PLEKHA8: variants seen among roughly 807,000 people sequenced by gnomAD.
PLEKHA8 encodes the protein pleckstrin homology domain containing A8, also known as pleckstrin homology domain-containing family A member 8.
In PLEKHA8, 36 loss-of-function variants were observed where a neutral mutation model predicts 68.2. The observed-to-expected ratio is 0.53, with a 90% CI of 0.40 to 0.70. The LOEUF is 0.70. PLEKHA8 is among the 30% of genes least tolerant of loss of function. PLEKHA8 has a pLI of 0.00. For missense variants in PLEKHA8, 505 were observed against 615.4 expected (o/e 0.82, Z 1.90); for synonymous variants, 211 against 216.1 (o/e 0.98, Z 0.20).
rs181844100 is a variant in PLEKHA8, at chr7:30,034,260, C to T, written c.40+5458C>T. Among the ~76,000 whole-genome samples, 56 of 151,960 alleles carry T rather than the reference C, an allele frequency of 3.7e-4. No individual in the cohort carries two copies. The East Asian group carries it at 9.5e-3, about 26-fold the overall frequency. On this transcript the variant is annotated intron_variant, in intron 1 of 13. Transcript: ENST00000449726. ...CTGACCTCAGGTGATCCGCCTGCCT[C>T]GGCCTCCCAAAGTGCTAGGATTACA...
At chr7:30,039,015 GT>G (rs1791322302) in intron 1 of PLEKHA8, among the ~76,000 whole-genome samples, 1 of 152,062 alleles carries the variant, frequency 6.6e-6, no homozygotes. Flanking sequence ...TTGAAAACGT[GT>G]TGTTCAACAT....
At chr7:30,088,679 G>T (rs1002448706), downstream of PLEKHA8, among the ~76,000 whole-genome samples, 3 of 152,128 alleles carry the variant, frequency 2.0e-5, no homozygotes, top group African/African-American at 4.8e-5. Context: ...CTAGCACCCA[G>T]GCAATGGAAG....
downstream of PLEKHA8, among the ~76,000 whole-genome samples, chr7:30,088,955 A>C (rs1562542871): frequency 6.6e-6 from 1 of 151,864 alleles, no homozygotes; most frequent in African/African-American, 2.4e-5. Flanking sequence ...TTTGCTGGGG[A>C]GAGATGGGTG....
chr7:30,074,677 AT>A (rs555242283), intron 13 of PLEKHA8, among the ~76,000 whole-genome samples: 3 of 150,844 alleles, frequency 2.0e-5, no homozygotes, highest in African/African-American at 7.3e-5. Flanking sequence ...GTCTTAGTTG[AT>A]TTTTTTTTCA....
At chr7:30,029,272 C>T (rs1562845585) in intron 1 of PLEKHA8, among the ~76,000 whole-genome samples, 4 of 152,208 alleles carry the variant, frequency 2.6e-5, no homozygotes, top group Non-Finnish European at 5.9e-5. Flanking sequence ...AAACACTTTC[C>T]CTTTGTCACC....
chr7:30,043,552 T>A (rs1021666655), intron 1 of PLEKHA8, among the ~76,000 whole-genome samples: 1 of 152,200 alleles, frequency 6.6e-6, no homozygotes, highest in Non-Finnish European at 1.5e-5. Context: ...TTAGTGTTTA[T>A]TTAGTTTTAT....
chr7:30,128,087 C>G (rs574305473), intron 13 of PLEKHA8, among the ~76,000 whole-genome samples: 1 of 134,388 alleles, frequency 7.4e-6, no homozygotes, highest in South Asian at 2.5e-4. Flanking sequence ...ATGAGTTTTA[C>G]TGTATTTTTT....
intron 1 of PLEKHA8, among the ~76,000 whole-genome samples, chr7:30,029,690 G>A (rs556028084): frequency 6.6e-6 from 1 of 152,296 alleles, no homozygotes; most frequent in African/African-American, 2.4e-5. Flanking sequence ...AATTTTAAAG[G>A]CAGTGTGTTT....
intron 9 of PLEKHA8, among the ~76,000 whole-genome samples, chr7:30,057,317 A>G (rs528137382): frequency 2.0e-4 from 31 of 152,126 alleles, no homozygotes; most frequent in Non-Finnish European, 2.5e-4. Context: ...CTCATACAGT[A>G]TGTTTTTGAG....
intron 13 of PLEKHA8, among the ~76,000 whole-genome samples, chr7:30,104,982 T>G (rs1796006671): frequency 6.6e-6 from 1 of 151,986 alleles, no homozygotes. Flanking sequence ...TGTCTCAGCC[T>G]CCCAGAGTGC....
chr7:30,028,888 G>T, intron 1 of PLEKHA8, 86 bp downstream of exon 1: 2 of 1,217,264 alleles, frequency 1.6e-6, no homozygotes, highest in South Asian at 4.2e-5. Flanking sequence ...CCCGTCTTAG[G>T]GAGGGGGTCA....
At chr7:30,115,398 T>C (rs552076622) in intron 13 of PLEKHA8, among the ~76,000 whole-genome samples, 22 of 152,252 alleles carry the variant, frequency 1.4e-4, no homozygotes, top group Non-Finnish European at 2.9e-4. Context: ...ATGTTTTAAA[T>C]GTTTTCTCCT....
In PLEKHA8 at chr7:30,083,872, C is replaced by T. The variant is rs1795064142; in HGVS notation, c.*5085C>T. 2.2e-5 allele frequency: 22 copies of T among 985,256 alleles called. 1 individual carries two copies. In the South Asian group the frequency reaches 6.6e-4, roughly 29 times the overall value. 61.0% of individuals were successfully genotyped at this position (985,256 alleles called of 1,614,324 possible). ...GGATGGTTGATACCCCTTACAAAGT[C>T]GATCTTACCCACACAGACTCCTGTG... On this transcript the variant is annotated 3_prime_UTR_variant, in exon 14 of 14. Transcript: ENST00000449726.
In PLEKHA8 at chr7:30,084,181, T is replaced by C; in HGVS notation, c.*5394T>C. 1 of 985,328 alleles carries C rather than the reference T, an allele frequency of 1.0e-6. No individual in the cohort carries two copies. The allele number at this position is 985,328 out of a possible 1,614,324, so 61.0% of individuals were successfully genotyped here. On this transcript the variant is annotated 3_prime_UTR_variant, in exon 14 of 14. Coordinates refer to ENST00000449726, the MANE Select transcript of PLEKHA8 (RefSeq NM_001197026.2). ...ATGTCTACATAAAGAAGAAACATGA[T>C]AGACCAGATGCCAAAGGCTAAAATG... is the stretch of plus-strand genomic sequence containing the variant.
In PLEKHA8 at chr7:30,082,816, T is replaced by C. The variant is rs1795008406; in HGVS notation, c.*4029T>C. The C allele has an allele frequency of 2.0e-6, 2 of 985,100 alleles. No individual in the cohort carries two copies. Among genetic ancestry groups the C allele is most frequent in the South Asian group, 4.7e-5 (1 of 21,286 alleles). The allele number at this position is 985,100 out of a possible 1,614,324, so 61.0% of individuals were successfully genotyped here. Reference sequence around the variant, plus strand: ...TATGGAGAAACATCAGATCAGGCAATAGAGTCAGAGGGTCATGAGCAATAG... The same window carrying C: ...TATGGAGAAACATCAGATCAGGCAACAGAGTCAGAGGGTCATGAGCAATAG... On this transcript the variant is annotated 3_prime_UTR_variant, in exon 14 of 14. Transcript: ENST00000449726.
intron 12 of PLEKHA8, among the ~76,000 whole-genome samples, chr7:30,089,982 C>T (rs192792068): frequency 3.3e-5 from 5 of 152,140 alleles, no homozygotes; most frequent in South Asian, 4.1e-4. Flanking sequence ...AACAGGGATT[C>T]GAGTAATTCC....
In PLEKHA8 at chr7:30,110,913, T is replaced by G. The variant is rs141339250; in HGVS notation, c.1363-18353T>G. 4.9e-3 allele frequency among the ~76,000 whole-genome samples: 744 copies of G among 151,520 alleles called. 7 individuals are homozygous for G. In the East Asian group the frequency reaches 0.059, roughly 12 times the overall value. On this transcript the variant is annotated intron_variant, in intron 13 of 13. Coordinates refer to the PLEKHA8 transcript ENST00000396257. ...GGTGTTTTCTTATTTTGAGGTTGTT[T>G]TTTTTTTTTTTCACGGAGTCTCACT...
Position 30,036,362 on chromosome 7 carries a change from AATAG to A in PLEKHA8, c.40+7565_40+7568del, listed in dbSNP as rs1376388976. ...TGGGTGACAGAGCAAGACTGTCACA[AATAG>A]ATAGTGTAAGATTCTGTCTCAGGTA... is the stretch of plus-strand genomic sequence containing the variant. On this transcript the variant is annotated intron_variant, in intron 1 of 13. Coordinates refer to ENST00000449726, the MANE Select transcript of PLEKHA8 (RefSeq NM_001197026.2). 4.6e-5 allele frequency among the ~76,000 whole-genome samples: 7 copies of A among 152,074 alleles called. No homozygotes were observed. The East Asian group carries it at 1.4e-3, about 29-fold the overall frequency.
chr7:30,090,235 C>T, exon 13 of PLEKHA8: 1 of 1,534,118 alleles, frequency 6.5e-7, no homozygotes. Flanking sequence ...AATTCCTCAC[C>T]ATTCAGGCAG....
Sources: gnomAD v4.1 joint callset for allele counts (sites outside exome capture counted in the v4.1 genomes callset) on GRCh38, gnomAD v4.1.1 for gene constraint, MANE v1.5 for transcripts, NCBI Gene and HGNC (gene_info 2026-07-23, HGNC 2026-07-21) for gene names.